Variants in CDKL5 observed in about 807,000 individuals in gnomAD.
CDKL5 encodes cyclin dependent kinase like 5.
Under a neutral mutation model 61.7 loss-of-function variants are expected in CDKL5, and 8 were observed. The observed-to-expected ratio is 0.13, with a 90% CI of 0.08 to 0.23. The LOEUF (loss-of-function observed/expected upper bound fraction) is 0.23, where lower values mean the gene tolerates loss of function less well. Ranked by LOEUF, CDKL5 falls within the 10% of genes least tolerant of loss-of-function variation. The pLI, the probability that CDKL5 is intolerant of heterozygous loss-of-function variation, is 1.00. For missense variants in CDKL5, 440 were observed against 734.5 expected (o/e 0.60, Z 4.63); for synonymous variants, 275 against 272.3 (o/e 1.01, Z -0.10).
At chrX:18,439,981 G>T (rs1283731374) in intron 1 of CDKL5, among the ~76,000 whole-genome samples, 2 of 110,579 alleles carry the variant, frequency 1.8e-5, no homozygotes, top group Non-Finnish European at 3.8e-5. Flanking sequence ...ACCCTTCAGT[G>T]ACCCATAACC....
At chrX:18,548,995 A>G (rs912637954) in intron 3 of CDKL5, among the ~76,000 whole-genome samples, 3 of 112,146 alleles carry the variant, frequency 2.7e-5, no homozygotes, top group African/African-American at 9.7e-5. Context: ...AGAATTCAAG[A>G]CTTATAGATT....
At chrX:18,621,116 A>G (rs1206319067) in intron 16 of CDKL5, among the ~76,000 whole-genome samples, 1 of 112,204 alleles carries the variant, frequency 8.9e-6, no homozygotes, top group Non-Finnish European at 1.9e-5. Context: ...AAAAGACACA[A>G]TCAAAATGGC....
intron 3 of CDKL5, among the ~76,000 whole-genome samples, chrX:18,560,784 C>T (rs1924776764): frequency 9.0e-6 from 1 of 110,693 alleles, no homozygotes; most frequent in South Asian, 3.8e-4. Flanking sequence ...AATACACACA[C>T]ACACACACAC....
chrX:18,436,002 TAAC>T (rs1255183035), intron 1 of CDKL5, among the ~76,000 whole-genome samples: 4 of 111,356 alleles, frequency 3.6e-5, no homozygotes, highest in Admixed American at 9.7e-5. Flanking sequence ...CCCAAAAACT[TAAC>T]TACTAAAATG....
In CDKL5 at chrX:18,637,602, G is replaced by A. The variant is rs761027521; in HGVS notation, c.*8845G>A. ...AATAAATCCCTAGGATATAGAGTCCGCTTGCCTGGGTGGAGTCTTGGCTCC... is the reference window on the plus strand; with the variant it reads ...AATAAATCCCTAGGATATAGAGTCCACTTGCCTGGGTGGAGTCTTGGCTCC... On this transcript the variant is annotated 3_prime_UTR_variant, in exon 18 of 18. Coordinates refer to ENST00000623535, the MANE Select transcript of CDKL5 (RefSeq NM_001323289.2). The A allele has an allele frequency of 2.8e-4, 31 of 110,269 alleles. No individual in the cohort carries two copies. Among genetic ancestry groups the A allele is most frequent in the African/African-American group, 9.6e-4 (29 of 30,285 alleles). 9.1% of individuals were successfully genotyped at this position (110,269 alleles called of 1,213,427 possible). A position where few individuals can be genotyped will look rare whatever the true frequency, so the allele number is the denominator to read the frequency against.
intron 3 of CDKL5, among the ~76,000 whole-genome samples, chrX:18,539,684 C>G (rs1358153851): frequency 9.0e-6 from 1 of 111,384 alleles, no homozygotes; most frequent in African/African-American, 3.3e-5. Flanking sequence ...TATTCTGCTG[C>G]TGTTGGGTAT....
chrX:18,593,475 G>A (rs970654767), intron 9 of CDKL5, among the ~76,000 whole-genome samples: 2 of 111,478 alleles, frequency 1.8e-5, no homozygotes, highest in African/African-American at 6.5e-5. Context: ...CTGGTATAGG[G>A]TCTTTTATCA....
At chrX:18,470,091 C>A (rs1482642522) in intron 1 of CDKL5, among the ~76,000 whole-genome samples, 1 of 111,204 alleles carries the variant, frequency 9.0e-6, no homozygotes, top group Non-Finnish European at 1.9e-5. Flanking sequence ...AATCCCAGCA[C>A]TTTGGGAGGC....
intron 4 of CDKL5, among the ~76,000 whole-genome samples, chrX:18,574,235 T>G (rs183964238): frequency 1.8e-5 from 2 of 112,078 alleles, no homozygotes; most frequent in African/African-American, 6.5e-5. Context: ...CATGTTATAA[T>G]GCACAGCACT....
chrX:18,595,483 T>G, intron 10 of CDKL5, 55 bp downstream of exon 10: 1 of 760,971 alleles, frequency 1.3e-6, no homozygotes, highest in Non-Finnish European at 2.1e-6. Context: ...TGGATTCTTT[T>G]GTGTCTACAT....
chrX:18,591,014 C>T (rs1335094342), intron 9 of CDKL5, among the ~76,000 whole-genome samples: 2 of 110,472 alleles, frequency 1.8e-5, no homozygotes, highest in South Asian at 3.9e-4. Context: ...AGGGTTTTTC[C>T]AGTTTCATCA....
rs1923853010 is a variant in CDKL5, at chrX:18,536,735, C to T, written c.99+25881C>T. Among the ~76,000 whole-genome samples, 3 of 110,290 alleles carry T rather than the reference C, an allele frequency of 2.7e-5. No homozygotes were observed. The South Asian group carries it at 1.2e-3, about 43-fold the overall frequency. Reference sequence around the variant, plus strand: ...TGCTGGGATTACAGGCGTGAGCCACCGTGCCTGGCCTCAATAAAGTTTTAA... The same window carrying T: ...TGCTGGGATTACAGGCGTGAGCCACTGTGCCTGGCCTCAATAAAGTTTTAA... On this transcript the variant is annotated intron_variant, in intron 3 of 17. Coordinates refer to ENST00000623535, the MANE Select transcript of CDKL5 (RefSeq NM_001323289.2).
At chrX:18,644,396 G>C (rs201856847), downstream of CDKL5, 1 of 1,189,044 alleles carries the variant, frequency 8.4e-7, no homozygotes, top group South Asian at 1.8e-5. Context: ...CAGAGGGTGC[G>C]AGCTGAAGTT....
At chrX:18,429,230 A>G (rs1029142196) in intron 1 of CDKL5, among the ~76,000 whole-genome samples, 1 of 111,953 alleles carries the variant, frequency 8.9e-6, no homozygotes, top group African/African-American at 3.2e-5. Flanking sequence ...AAAAGGAACT[A>G]GCCCATTCAG....
intron 20 of CDKL5, chrX:18,646,110 T>G (rs758188305): frequency 8.3e-7 from 1 of 1,211,586 alleles, no homozygotes; most frequent in Non-Finnish European, 1.1e-6. Context: ...GGGCCCCGCA[T>G]GCCATCAAGC....
At chrX:18,543,478 G>A (rs192211954) in intron 3 of CDKL5, among the ~76,000 whole-genome samples, 9 of 110,117 alleles carry the variant, frequency 8.2e-5, no homozygotes, top group Non-Finnish European at 1.7e-4. Context: ...TCACGGTCAA[G>A]GATTTTTAGT....
Position 18,634,675 on chromosome X carries a change from A to G in CDKL5, c.*5918A>G. The stretch of plus-strand genomic sequence containing the variant: ...CTTTGGTCACCGATCGAGTCAGGCT[A>G]GAGGGGTAATACGGTGATTAAAAGA... On this transcript the variant is annotated 3_prime_UTR_variant, in exon 18 of 18. Transcript: ENST00000623535. The G allele has an allele frequency of 1.3e-6, 1 of 753,473 alleles. No homozygotes were observed. The highest frequency in any genetic ancestry group is 1.6e-6 in the Non-Finnish European group (1 of 638,969). The allele number at this position is 753,473 out of a possible 1,213,427, so 62.1% of individuals were successfully genotyped here.
chrX:18,635,624 T>C lies in CDKL5; in HGVS notation c.*6867T>C, dbSNP rs1927364146. 8 of 751,619 alleles carry C rather than the reference T, an allele frequency of 1.1e-5. No individual in the cohort carries two copies. The highest frequency in any genetic ancestry group is 1.3e-5 in the Non-Finnish European group (8 of 636,681). The allele number at this position is 751,619 out of a possible 1,213,427, so 61.9% of individuals were successfully genotyped here. A position where few individuals can be genotyped will look rare whatever the true frequency, so the allele number is the denominator to read the frequency against. On this transcript the variant is annotated 3_prime_UTR_variant, in exon 18 of 18. Coordinates refer to ENST00000623535, the MANE Select transcript of CDKL5 (RefSeq NM_001323289.2). ...TTGTTTTCCTATTTATAAAGCTTTT[T>C]TCCCCTTACGGCATTTTGAAAACTT...
chrX:18,579,792 T>C (rs1437571095), intron 5 of CDKL5, 56 bp from the exon 6 acceptor site: 1 of 1,089,011 alleles, frequency 9.2e-7, no homozygotes, highest in Non-Finnish European at 1.3e-6. Flanking sequence ...AAATTGTTAA[T>C]ACATAATTTA....
Sources: allele counts gnomAD v4.1 joint callset (sites outside exome capture counted in the v4.1 genomes callset), GRCh38; gene constraint gnomAD v4.1.1; transcripts MANE v1.5; gene names NCBI Gene and HGNC (gene_info 2026-07-23, HGNC 2026-07-21).